HMSD: variants seen among roughly 807,000 people sequenced by gnomAD.
The protein encoded by HMSD is histocompatibility minor serpin domain containing.
In HMSD, 13 loss-of-function variants were observed where a neutral mutation model predicts 10.0. That is an observed-to-expected ratio of 1.31 (90% CI 0.85 to 2.08). The LOEUF is 2.08. HMSD is among the 30% of genes most tolerant of loss of function. The pLI is 0.00. For missense variants in HMSD, 169 were observed against 166.3 expected (o/e 1.02, Z -0.09); for synonymous variants, 51 against 54.2 (o/e 0.94, Z 0.26).
chr18:63,951,444 A>G (rs1196197771), intron 1 of HMSD, among the ~76,000 whole-genome samples: 1 of 152,126 alleles, frequency 6.6e-6, no homozygotes, highest in African/African-American at 2.4e-5. Context: ...TGCACTCACC[A>G]GCAGGGGGGA....
intron 2 of HMSD, among the ~76,000 whole-genome samples, chr18:63,954,017 G>C (rs1186088796): frequency 6.6e-6 from 1 of 152,232 alleles, no homozygotes; most frequent in Non-Finnish European, 1.5e-5. Flanking sequence ...TCTGAAGAAG[G>C]GGAGAGAGAC....
At position 63,960,385 on chromosome 18, in the gene HMSD, T is replaced by G; in HGVS notation, c.*30T>G. ...GAGTCCTTTTTTCTCTAAACAACTA[T>G]GCAAACATTAAAACCTTTCTTTGGA... On this transcript the variant is annotated 3_prime_UTR_variant, in exon 4 of 4. Transcript: ENST00000408945. 6.5e-7 allele frequency: 1 copy of G among 1,544,074 alleles called. No homozygotes were observed. Among genetic ancestry groups the G allele is most frequent in the African/African-American group, 1.4e-5 (1 of 71,914 alleles).
downstream of HMSD, among the ~76,000 whole-genome samples, chr18:63,964,617 C>T (rs746303252): frequency 1.1e-4 from 17 of 152,154 alleles, no homozygotes; most frequent in Non-Finnish European, 5.9e-5. Context: ...GCTGGGAAGT[C>T]CAAGATCAGG....
downstream of HMSD, among the ~76,000 whole-genome samples, chr18:63,962,821 C>A (rs2050391833): frequency 6.6e-6 from 1 of 152,140 alleles, no homozygotes; most frequent in African/African-American, 2.4e-5. Flanking sequence ...TGAAAGGTGG[C>A]CTTTCCTTTC....
At chr18:63,952,272 A>T (rs942333282) in intron 1 of HMSD, among the ~76,000 whole-genome samples, 3 of 147,416 alleles carry the variant, frequency 2.0e-5, no homozygotes, top group African/African-American at 8.1e-5. Flanking sequence ...GTACCCTAAA[A>T]CTTAAAGTAT....
At chr18:63,967,323 G>A (rs1312926934) in intron 3 of HMSD, among the ~76,000 whole-genome samples, 8 of 152,064 alleles carry the variant, frequency 5.3e-5, no homozygotes, top group South Asian at 2.1e-4. Context: ...TAGCAGAGAC[G>A]GGGTTTCACC....
At chr18:63,959,779 T>A (rs1188452288) in intron 3 of HMSD, among the ~76,000 whole-genome samples, 1 of 152,198 alleles carries the variant, frequency 6.6e-6, no homozygotes, top group East Asian at 1.9e-4. Context: ...TATTTCTCCT[T>A]TCAGTTCTAT....
chr18:63,967,549 G>A (rs2050415558), intron 3 of HMSD, among the ~76,000 whole-genome samples: 1 of 152,158 alleles, frequency 6.6e-6, no homozygotes, highest in Non-Finnish European at 1.5e-5. Context: ...CTTGACAAGT[G>A]GAAGTCTAAT....
At chr18:63,963,097 CTTT>C (rs769102623), downstream of HMSD, among the ~76,000 whole-genome samples, 2 of 129,854 alleles carry the variant, frequency 1.5e-5, no homozygotes, top group African/African-American at 7.0e-5. Flanking sequence ...TTCTTTCTTT[CTTT>C]CTTTCTTTCT....
At chr18:63,953,585 ACTT>A in intron 2 of HMSD, 58 bp downstream of exon 2, 1 of 1,365,610 alleles carries the variant, frequency 7.3e-7, no homozygotes, top group Non-Finnish European at 1.0e-6. Flanking sequence ...GTTGAGCTGG[ACTT>A]CTGCATTTCA....
intron 1 of HMSD, among the ~76,000 whole-genome samples, chr18:63,951,312 T>C (rs1426869599): frequency 6.6e-6 from 1 of 152,234 alleles, no homozygotes; most frequent in Non-Finnish European, 1.5e-5. Flanking sequence ...AAACAATTTG[T>C]TTACCAAATT....
chr18:63,964,301 C>T (rs758524209), downstream of HMSD, among the ~76,000 whole-genome samples: 5 of 152,162 alleles, frequency 3.3e-5, no homozygotes, highest in Non-Finnish European at 7.3e-5. Context: ...GGGCAGATCA[C>T]CGGAGGTCAG....
At chr18:63,959,646 A>G (rs183142336) in intron 3 of HMSD, among the ~76,000 whole-genome samples, 2 of 152,334 alleles carry the variant, frequency 1.3e-5, no homozygotes, top group African/African-American at 4.8e-5. Flanking sequence ...GATATCAATT[A>G]TATCTAGTTA....
intron 3 of HMSD, 113 bp downstream of exon 3, chr18:63,954,670 C>A (rs1325404772): frequency 8.7e-6 from 7 of 808,796 alleles, no homozygotes; most frequent in Admixed American, 2.3e-5. Context: ...ACTCCACGCA[C>A]GAATCTCACA....
Position 63,953,372 on chromosome 18 carries a change from T to C in HMSD, c.-84T>C. 1 of 960,070 alleles carries C rather than the reference T, an allele frequency of 1.0e-6. No homozygotes were observed. The highest frequency in any genetic ancestry group is 1.7e-6 in the Non-Finnish European group (1 of 604,082). The allele number at this position is 960,070 out of a possible 1,614,324, so 59.5% of individuals were successfully genotyped here. A position where few individuals can be genotyped will look rare whatever the true frequency, so the allele number is the denominator to read the frequency against. On this transcript the variant is annotated 5_prime_UTR_variant, in exon 2 of 4. Transcript: ENST00000408945. ...GTTTCAGGCTCACCGTCATGGATGC[T>C]CTATCAGAAGCAAATGGCACATTTG...
intron 3 of HMSD, among the ~76,000 whole-genome samples, chr18:63,956,871 C>T (rs2050361368): frequency 6.6e-6 from 1 of 152,118 alleles, no homozygotes; most frequent in African/African-American, 2.4e-5. Flanking sequence ...TACATATACA[C>T]CACGAAATAC....
chr18:63,955,586 C>T (rs933770770), intron 3 of HMSD, among the ~76,000 whole-genome samples: 8 of 152,256 alleles, frequency 5.3e-5, no homozygotes, highest in Non-Finnish European at 1.0e-4. Flanking sequence ...TCCTCAGTTC[C>T]ACCCACCATC....
intron 2 of HMSD, 63 bp downstream of exon 2, chr18:63,953,590 T>C: frequency 7.5e-7 from 1 of 1,336,206 alleles, no homozygotes; most frequent in Non-Finnish European, 1.1e-6. Context: ...GCTGGACTTC[T>C]GCATTTCAAG....
intron 3 of HMSD, among the ~76,000 whole-genome samples, chr18:63,959,068 G>C (rs1454720725): frequency 3.3e-5 from 5 of 152,278 alleles, no homozygotes; most frequent in Non-Finnish European, 4.4e-5. Context: ...TACATGCATA[G>C]TCCCTCCTGT....
Sources: allele counts gnomAD v4.1 joint callset (sites outside exome capture counted in the v4.1 genomes callset), GRCh38; gene constraint gnomAD v4.1.1; transcripts MANE v1.5; gene names NCBI Gene and HGNC (gene_info 2026-07-23, HGNC 2026-07-21).